Variants in BMP6 observed in about 807,000 individuals in gnomAD.
BMP6 encodes the protein VG-1-R.
In BMP6, 17 loss-of-function variants were observed where a neutral mutation model predicts 54.1. That is an observed-to-expected ratio of 0.31 (90% CI 0.22 to 0.47). The LOEUF (loss-of-function observed/expected upper bound fraction) is 0.47, where lower values mean the gene tolerates loss of function less well. Ranked by LOEUF, BMP6 falls within the 20% of genes least tolerant of loss-of-function variation. The pLI is 1.00. For missense variants in BMP6, 720 were observed against 690.4 expected (o/e 1.04, Z -0.48); for synonymous variants, 328 against 291.2 (o/e 1.13, Z -1.28).
chr6:7,780,709 G>A (rs201528076), intron 1 of BMP6, among the ~76,000 whole-genome samples: 6 of 151,128 alleles, frequency 4.0e-5, no homozygotes, highest in Non-Finnish European at 7.4e-5. Flanking sequence ...TTATTTTATT[G>A]TTATTATTAT....
chr6:7,759,196 A>ATGTATG (rs1561762175), intron 1 of BMP6, among the ~76,000 whole-genome samples: 1 of 152,012 alleles, frequency 6.6e-6, no homozygotes, highest in African/African-American at 2.4e-5. Context: ...TCATTACCAT[A>ATGTATG]TATGTATGTA....
In BMP6 at chr6:7,804,955, A is replaced by G. The variant is rs547749078; in HGVS notation, c.665-40185A>G. Among the ~76,000 whole-genome samples, 8 of 152,278 alleles carry G rather than the reference A, an allele frequency of 5.3e-5. No individual in the cohort carries two copies. The South Asian group carries it at 1.7e-3, about 32-fold the overall frequency. On this transcript the variant is annotated intron_variant, in intron 1 of 6. Transcript: ENST00000283147. The stretch of plus-strand genomic sequence containing the variant: ...CACAGAAATAATCTCCCACTTTCCA[A>G]CCAACCTGATGCTTGTAAACTCCCT...
At position 7,754,278 on chromosome 6, in the gene BMP6, T is replaced by A. The variant is rs146822461; in HGVS notation, c.664+26659T>A. Among the ~76,000 whole-genome samples, 4 of 151,892 alleles carry A rather than the reference T, an allele frequency of 2.6e-5. No individual in the cohort carries two copies. In the East Asian group the frequency reaches 7.8e-4, roughly 30 times the overall value. The stretch of plus-strand genomic sequence containing the variant: ...GACTACAGGCACGTGCCACCATGCC[T>A]AATTTTTGTGTCTTTGGAAAGATCA... On this transcript the variant is annotated intron_variant, in intron 1 of 6. Transcript: ENST00000283147.
At chr6:7,772,364 C>T (rs1416821325) in intron 1 of BMP6, among the ~76,000 whole-genome samples, 1 of 152,188 alleles carries the variant, frequency 6.6e-6, no homozygotes, top group Non-Finnish European at 1.5e-5. Context: ...AATTCAGAAC[C>T]TGTCTTAAAG....
At chr6:7,727,718 C>T (rs1277413887) in intron 1 of BMP6, 99 bp downstream of exon 1, 37 of 1,323,980 alleles carry the variant, frequency 2.8e-5, no homozygotes, top group Non-Finnish European at 3.3e-5. Flanking sequence ...TCCCGGCGCG[C>T]GGGTCCCGCC....
At chr6:7,780,484 G>C (rs1487311010) in intron 1 of BMP6, among the ~76,000 whole-genome samples, 1 of 151,782 alleles carries the variant, frequency 6.6e-6, no homozygotes, top group Admixed American at 6.6e-5. Context: ...GGGAGGCGGA[G>C]GTTGTAGTGA....
At chr6:7,760,505 C>A (rs535807718) in intron 1 of BMP6, among the ~76,000 whole-genome samples, 5 of 152,160 alleles carry the variant, frequency 3.3e-5, no homozygotes, top group African/African-American at 1.2e-4. Flanking sequence ...CTTACTCTGT[C>A]ACCCAGGCTG....
chr6:7,870,615 C>A (rs1561797391), intron 4 of BMP6, among the ~76,000 whole-genome samples: 1 of 151,656 alleles, frequency 6.6e-6, no homozygotes, highest in African/African-American at 2.4e-5. Context: ...TGTCTTGGAT[C>A]TTTTTTTTAA....
At chr6:7,841,625 G>A (rs1758972087) in intron 1 of BMP6, among the ~76,000 whole-genome samples, 1 of 152,164 alleles carries the variant, frequency 6.6e-6, no homozygotes, top group Admixed American at 6.6e-5. Flanking sequence ...GATGAGGAGA[G>A]TGAGGAAGGT....
chr6:7,852,937 C>G (rs1301752459), intron 2 of BMP6, among the ~76,000 whole-genome samples: 1 of 151,292 alleles, frequency 6.6e-6, no homozygotes, highest in Admixed American at 6.6e-5. Flanking sequence ...CATGCAGCCC[C>G]CTTTTTTTCT....
chr6:7,734,999 C>A (rs973732885), intron 1 of BMP6, among the ~76,000 whole-genome samples: 1 of 152,228 alleles, frequency 6.6e-6, no homozygotes, highest in African/African-American at 2.4e-5. Context: ...CTAAAATGTC[C>A]TTGCCACACA....
intron 1 of BMP6, among the ~76,000 whole-genome samples, chr6:7,844,619 C>A (rs1348672148): frequency 2.0e-5 from 3 of 152,148 alleles, no homozygotes; most frequent in Non-Finnish European, 4.4e-5. Context: ...CTTCCCCACC[C>A]GCAGCCATCC....
At chr6:7,871,787 C>T (rs536781874) in intron 4 of BMP6, among the ~76,000 whole-genome samples, 12 of 152,292 alleles carry the variant, frequency 7.9e-5, no homozygotes, top group African/African-American at 1.4e-4. Context: ...AGGGCAGTAG[C>T]GCTACCTGTG....
At chr6:7,749,533 G>A (rs1306496564) in intron 1 of BMP6, among the ~76,000 whole-genome samples, 3 of 152,122 alleles carry the variant, frequency 2.0e-5, no homozygotes, top group Non-Finnish European at 2.9e-5. Context: ...ATAATAAATG[G>A]TCAAAGGAAC....
intron 1 of BMP6, among the ~76,000 whole-genome samples, chr6:7,839,473 C>T (rs1758929770): frequency 6.6e-6 from 1 of 152,208 alleles, no homozygotes; most frequent in African/African-American, 2.4e-5. Flanking sequence ...TTCCCATTCC[C>T]CTCTCCCATA....
intron 4 of BMP6, among the ~76,000 whole-genome samples, chr6:7,869,672 C>A (rs560500827): frequency 6.6e-6 from 1 of 152,172 alleles, no homozygotes; most frequent in Admixed American, 6.5e-5. Flanking sequence ...TTTGTTTTCT[C>A]CTGTAGATGG....
At chr6:7,838,941 C>CAAAAA (rs778664842) in intron 1 of BMP6, among the ~76,000 whole-genome samples, 1 of 59,128 alleles carries the variant, frequency 1.7e-5, no homozygotes, top group Non-Finnish European at 3.7e-5. Context: ...GACTCTGTCT[C>CAAAAA]AAAAAAAAAA....
At chr6:7,812,462 TAGG>T (rs1413190792) in intron 1 of BMP6, among the ~76,000 whole-genome samples, 3 of 152,180 alleles carry the variant, frequency 2.0e-5, no homozygotes, top group African/African-American at 4.8e-5. Flanking sequence ...CTATAAGTAA[TAGG>T]AGACTGTATA....
chr6:7,876,963 G>T (rs1291414775), intron 4 of BMP6, among the ~76,000 whole-genome samples: 1 of 151,986 alleles, frequency 6.6e-6, no homozygotes, highest in Admixed American at 6.6e-5. Context: ...GCTTAGTTCA[G>T]ATGACTCTTA....
Sources: gnomAD v4.1 joint callset for allele counts (sites outside exome capture counted in the v4.1 genomes callset) on GRCh38, gnomAD v4.1.1 for gene constraint, MANE v1.5 for transcripts, NCBI Gene and HGNC (gene_info 2026-07-23, HGNC 2026-07-21) for gene names.